ANK2: variants seen among roughly 807,000 people sequenced by gnomAD.
ANK2 encodes ankyrin 2, also known as ankyrin-2.
In ANK2, 83 loss-of-function variants were observed where a neutral mutation model predicts 360.5. The observed-to-expected ratio is 0.23, with a 90% confidence interval of 0.19 to 0.28. The LOEUF (loss-of-function observed/expected upper bound fraction) is 0.28, where lower values mean the gene tolerates loss of function less well. Among genes scored for constraint, ANK2 ranks in the 10% least tolerant of loss-of-function variants. The pLI is 1.00. For synonymous variants in ANK2, 1,740 were observed against 1,759.5 expected, an observed-to-expected ratio of 0.99 and a Z score of 0.28; for missense variants, 4,201 against 4,795.7, an observed-to-expected ratio of 0.88 and a Z score of 3.66.
At chr4:112,743,764 C>T in the ANK2 span, among the ~76,000 whole-genome samples, 3 of 151,920 alleles carry the variant, frequency 2.0e-5, no homozygotes, top group African/African-American at 4.8e-5. Context: ...AGGCTGGTCT[C>T]GAACTCCTGA....
At chr4:113,196,242 T>C in intron 2 of ANK2, 126 bp from the exon 3 acceptor site, 2 of 725,034 alleles carry the variant, frequency 2.8e-6, no homozygotes, top group Non-Finnish European at 4.7e-6. Context: ...AAGATTCTAA[T>C]GCAAAAAGGA....
intron 26 of ANK2, among the ~76,000 whole-genome samples, chr4:113,321,664 T>A (rs1399323143): frequency 6.6e-6 from 1 of 152,236 alleles, no homozygotes; most frequent in Non-Finnish European, 1.5e-5. Context: ...TTATTTATTT[T>A]TTTTGAAGAA....
At chr4:113,300,094 A>T (rs1358318000) in intron 22 of ANK2, among the ~76,000 whole-genome samples, 3 of 152,102 alleles carry the variant, frequency 2.0e-5, no homozygotes, top group African/African-American at 7.2e-5. Context: ...ATATTATAAT[A>T]GTCTTTTTGA....
At chr4:113,012,365 A>C (rs963734288) in intron 2 of ANK2, among the ~76,000 whole-genome samples, 7 of 152,068 alleles carry the variant, frequency 4.6e-5, no homozygotes, top group Non-Finnish European at 7.4e-5. Flanking sequence ...CCTGGGAATA[A>C]CTCCAGAATC....
chr4:113,007,004 A>G (rs1240207868), intron 2 of ANK2, among the ~76,000 whole-genome samples: 1 of 152,230 alleles, frequency 6.6e-6, no homozygotes, highest in East Asian at 1.9e-4. Flanking sequence ...TTTTGGAACC[A>G]AAAAGCTAAC....
intron 4 of ANK2, chr4:113,214,477 T>C: frequency 1.5e-6 from 1 of 658,214 alleles, no homozygotes; most frequent in South Asian, 1.7e-5. Flanking sequence ...TCTGGAAAAA[T>C]CTACAAATCA....
At chr4:112,714,594 T>C in the ANK2 span, among the ~76,000 whole-genome samples, 2 of 152,164 alleles carry the variant, frequency 1.3e-5, no homozygotes, top group Non-Finnish European at 1.5e-5. Flanking sequence ...ACAATAAAAC[T>C]ATATCAAAAA....
chr4:112,770,031 A>G, the ANK2 span, among the ~76,000 whole-genome samples: 2 of 151,720 alleles, frequency 1.3e-5, no homozygotes, highest in East Asian at 1.9e-4. Flanking sequence ...TTCTTACTCA[A>G]TTTCTTCCTC....
chr4:112,932,280 T>C (rs1186036343), intron 2 of ANK2, among the ~76,000 whole-genome samples: 2 of 151,796 alleles, frequency 1.3e-5, no homozygotes, highest in African/African-American at 4.8e-5. Context: ...TCACCTGAGG[T>C]CAGGAGTTCG....
chr4:113,088,787 G>A (rs956112186), intron 1 of ANK2, among the ~76,000 whole-genome samples: 5 of 152,146 alleles, frequency 3.3e-5, no homozygotes, highest in Non-Finnish European at 7.4e-5. Flanking sequence ...TTACAGATGA[G>A]TAAACTGAGG....
intron 2 of ANK2, among the ~76,000 whole-genome samples, chr4:113,005,485 A>G (rs1352387190): frequency 6.6e-6 from 1 of 152,190 alleles, no homozygotes; most frequent in Non-Finnish European, 1.5e-5. Context: ...GTCAGGCACA[A>G]AAAGGCAAAT....
At chr4:112,729,433 T>C in the ANK2 span, among the ~76,000 whole-genome samples, 1 of 152,056 alleles carries the variant, frequency 6.6e-6, no homozygotes, top group Admixed American at 6.5e-5. Flanking sequence ...ATGGAAGCAA[T>C]TTAAGTGTCC....
chr4:112,999,444 A>G (rs1367301472), intron 2 of ANK2, among the ~76,000 whole-genome samples: 1 of 152,170 alleles, frequency 6.6e-6, no homozygotes, highest in Non-Finnish European at 1.5e-5. Context: ...TCCCACAGCC[A>G]TGGGGCACCA....
intron 1 of ANK2, among the ~76,000 whole-genome samples, chr4:113,141,630 A>C (rs2096640436): frequency 1.3e-5 from 2 of 152,204 alleles, no homozygotes; most frequent in African/African-American, 2.4e-5. Context: ...TCTTCTCAAA[A>C]CTTCACTTCA....
intron 1 of ANK2, among the ~76,000 whole-genome samples, chr4:113,168,823 A>G (rs772179912): frequency 6.6e-6 from 1 of 152,252 alleles, no homozygotes; most frequent in Non-Finnish European, 1.5e-5. Context: ...AGCTGAATTA[A>G]TTAAACAATA....
intron 2 of ANK2, among the ~76,000 whole-genome samples, chr4:113,181,113 C>G (rs936339884): frequency 6.6e-6 from 1 of 152,274 alleles, no homozygotes; most frequent in African/African-American, 2.4e-5. Context: ...GCCCCCAGCT[C>G]TAAAAACTTC....
rs772253914 is a variant in ANK2 at position 113,365,197 on chromosome 4, GTGTA to G, written c.11032+19_11032+22del. ...TCATAGTGAAGGTCAAACTGTGTGT[GTGTA>G]TGTGTGTGTGTGTGTGTGTGTGTGT... On this transcript the variant is annotated intron_variant, in intron 41 of 45. Transcript: ENST00000357077. 4.9e-5 allele frequency: 75 copies of G among 1,528,170 alleles called. No homozygotes were observed. The highest frequency in any genetic ancestry group is 4.9e-5 in the Non-Finnish European group (56 of 1,138,114). 94.7% of individuals were successfully genotyped at this position (1,528,170 alleles called of 1,614,324 possible). A position where few individuals can be genotyped will look rare whatever the true frequency, so the allele number is the denominator to read the frequency against.
intron 2 of ANK2, among the ~76,000 whole-genome samples, chr4:112,981,488 C>T (rs1582472164): frequency 1.3e-5 from 2 of 152,212 alleles, no homozygotes; most frequent in Admixed American, 6.5e-5. Context: ...AGCGACCTTG[C>T]AGAGGTGGAA....
intron 2 of ANK2, among the ~76,000 whole-genome samples, chr4:113,023,403 C>T (rs1276033392): frequency 2.6e-5 from 4 of 152,212 alleles, no homozygotes; most frequent in Admixed American, 6.5e-5. Flanking sequence ...TTCCCTTGGC[C>T]TCCTCCATCT....
Sources: gnomAD v4.1 joint callset for allele counts (sites outside exome capture counted in the v4.1 genomes callset) on GRCh38, gnomAD v4.1.1 for gene constraint, MANE v1.5 for transcripts, NCBI Gene and HGNC (gene_info 2026-07-23, HGNC 2026-07-21) for gene names.